OGDH: variants seen among roughly 807,000 people sequenced by gnomAD.
OGDH encodes the protein 2-oxoglutarate dehydrogenase complex component E1.
A neutral mutation model predicts 116.6 loss-of-function variants in OGDH; 38 were observed. The observed-to-expected ratio is 0.33, with a 90% CI of 0.25 to 0.43. The LOEUF is 0.43. Ranked by LOEUF, OGDH falls within the 20% of genes least tolerant of loss-of-function variation. The pLI is 1.00. For missense variants in OGDH, 825 were observed against 1,357.2 expected (o/e 0.61, Z 6.16); for synonymous variants, 488 against 533.3 (o/e 0.92, Z 1.17).
At chr7:44,680,075 G>A (rs1787864333) in intron 9 of OGDH, among the ~76,000 whole-genome samples, 1 of 152,108 alleles carries the variant, frequency 6.6e-6, no homozygotes, top group Non-Finnish European at 1.5e-5. Flanking sequence ...AGCCAGGCAT[G>A]GTGGCATGTA....
chr7:44,628,999 A>G (rs1331595903), intron 2 of OGDH, among the ~76,000 whole-genome samples: 2 of 151,896 alleles, frequency 1.3e-5, no homozygotes, highest in African/African-American at 4.8e-5. Flanking sequence ...TGTGCTCCTC[A>G]CTGACCCCTC....
At position 44,697,181 on chromosome 7, in the gene OGDH, G is replaced by T; in HGVS notation, c.2051+117G>T. 3.4e-6 allele frequency: 5 copies of T among 1,486,532 alleles called. No homozygotes were observed. Among genetic ancestry groups the T allele is most frequent in the Non-Finnish European group, 4.6e-6 (5 of 1,094,030 alleles). 92.1% of individuals were successfully genotyped at this position (1,486,532 alleles called of 1,614,324 possible). On this transcript the variant is annotated intron_variant, in intron 15 of 22. Coordinates refer to ENST00000222673, the MANE Select transcript of OGDH (RefSeq NM_002541.4). This position sits in a 1 kb window ranked among gnomAD's most constrained non-coding sequence, Gnocchi z 6.0. ...ACCGGAAGAGTCACATTGCTCTCAG[G>T]CTGAAAACCTCTGTCCCTCATTTGC...
chr7:44,629,689 C>T (rs533271993), intron 2 of OGDH, among the ~76,000 whole-genome samples: 27 of 150,196 alleles, frequency 1.8e-4, no homozygotes, highest in African/African-American at 4.4e-4. Flanking sequence ...AAGCAATTCT[C>T]GTACCTCAGT....
intron 1 of OGDH, among the ~76,000 whole-genome samples, chr7:44,619,233 C>T (rs752506965): frequency 1.3e-5 from 2 of 151,990 alleles, no homozygotes; most frequent in Non-Finnish European, 2.9e-5. Flanking sequence ...TTTATTGAAC[C>T]AAAGGAGGGG....
intron 1 of OGDH, among the ~76,000 whole-genome samples, chr7:44,618,490 T>C (rs778726157): frequency 6.6e-6 from 1 of 152,218 alleles, no homozygotes; most frequent in Non-Finnish European, 1.5e-5. Context: ...AATGTGATAT[T>C]ATTATCGTAT....
intron 2 of OGDH, among the ~76,000 whole-genome samples, chr7:44,634,721 C>G (rs561700237): frequency 2.2e-4 from 34 of 152,280 alleles, no homozygotes; most frequent in African/African-American, 7.7e-4. Context: ...ATCACAGTGC[C>G]CTACCTTGTT....
At position 44,707,561 on chromosome 7, in the gene OGDH, C is replaced by G; in HGVS notation, c.2797-21C>G. The G allele has an allele frequency of 6.2e-7, 1 of 1,612,326 alleles. No homozygotes were observed. Among genetic ancestry groups the G allele is most frequent in the Non-Finnish European group, 8.5e-7 (1 of 1,179,598 alleles). On this transcript the variant is annotated intron_variant, in intron 21 of 22. Transcript: ENST00000222673. The surrounding 1 kb of genome is among the most constrained non-coding windows in gnomAD (Gnocchi z 5.2). ...GCCCTCTGAGTTTCCTCTTTTTGAT[C>G]TGACCCCTGCTGTCTCCTAGCTGTC...
chr7:44,706,994 T>A (rs1789108436), intron 20 of OGDH, among the ~76,000 whole-genome samples: 1 of 152,230 alleles, frequency 6.6e-6, no homozygotes, highest in Non-Finnish European at 1.5e-5. Context: ...CTGGTGTTAC[T>A]TGATACCCAG....
At position 44,666,005 on chromosome 7, in the gene OGDH, G is replaced by T. The variant is rs75732346; in HGVS notation, c.518-731G>T. 2.0e-5 allele frequency among the ~76,000 whole-genome samples: 3 copies of T among 152,198 alleles called. No individual in the cohort carries two copies. In the South Asian group the frequency reaches 6.2e-4, roughly 32 times the overall value. On this transcript the variant is annotated intron_variant, in intron 4 of 22. Coordinates refer to ENST00000222673, the MANE Select transcript of OGDH (RefSeq NM_002541.4). ...TGCAGCGAATATTAGTGCTTACTCA[G>T]TTGGTTCCCGCTGAGTGATTGGAGT...
chr7:44,623,678 A>AGG, intron 1 of OGDH, among the ~76,000 whole-genome samples: 1 of 87,572 alleles, frequency 1.1e-5, no homozygotes. Context: ...ACAGAGTCTC[A>AGG]CTCTGTTGCT....
chr7:44,637,732 A>T (rs1160412035), intron 2 of OGDH, among the ~76,000 whole-genome samples: 1 of 150,138 alleles, frequency 6.7e-6, no homozygotes, highest in Admixed American at 6.7e-5. Flanking sequence ...ATCACTTGAA[A>T]CCGGGATGGG....
intron 20 of OGDH, among the ~76,000 whole-genome samples, chr7:44,702,543 T>G (rs1788880067): frequency 6.6e-6 from 1 of 152,140 alleles, no homozygotes; most frequent in Non-Finnish European, 1.5e-5. Flanking sequence ...AGCCCCTTGT[T>G]TTTTGGGGGT....
chr7:44,623,489 G>A (rs907184831), intron 1 of OGDH, among the ~76,000 whole-genome samples: 2 of 75,756 alleles, frequency 2.6e-5, no homozygotes, highest in Admixed American at 1.5e-4. Flanking sequence ...GGACAGATTA[G>A]AAAATGTTTT....
At chr7:44,659,182 TAGACGATTTAATGCTAA>T (rs1786827093) in intron 4 of OGDH, among the ~76,000 whole-genome samples, 1 of 152,176 alleles carries the variant, frequency 6.6e-6, no homozygotes, top group Non-Finnish European at 1.5e-5. Flanking sequence ...AATGTCGTGG[TAGACGATTTAATGCTAA>T]TGTCGTGGAT....
chr7:44,686,887 A>G (rs897456964), intron 10 of OGDH, among the ~76,000 whole-genome samples: 62 of 150,478 alleles, frequency 4.1e-4, no homozygotes, highest in African/African-American at 1.3e-3. Flanking sequence ...AGATTTCACT[A>G]TGTTGGTCAG....
Position 44,697,141 on chromosome 7 carries a change from G to A in OGDH, c.2051+77G>A, listed in dbSNP as rs908439497. On this transcript the variant is annotated intron_variant, in intron 15 of 22. Transcript: ENST00000222673. The surrounding 1 kb of genome is among the most constrained non-coding windows in gnomAD (Gnocchi z 6.0). ...GGAGGGGTTCTGGTGTTTCTTTTCC[G>A]GAAGACGGTTAGAAACCGGAAGAGT... is the stretch of plus-strand genomic sequence containing the variant. 4.4e-5 allele frequency: 69 copies of A among 1,553,724 alleles called. No homozygotes were observed. The highest frequency in any genetic ancestry group is 1.6e-4 in the East Asian group (7 of 44,162).
At chr7:44,690,657 C>G (rs1788327292) in intron 10 of OGDH, among the ~76,000 whole-genome samples, 2 of 152,190 alleles carry the variant, frequency 1.3e-5, no homozygotes, top group Middle Eastern at 3.2e-3. Context: ...GATAATCCTG[C>G]TGGTAGAGTG....
intron 10 of OGDH, among the ~76,000 whole-genome samples, chr7:44,689,208 CTTTTTT>C (rs367897508): frequency 2.0e-5 from 2 of 101,348 alleles, no homozygotes; most frequent in East Asian, 2.9e-4. Context: ...ATCAGGGTTC[CTTTTTT>C]TTTTTTTTTT....
In OGDH at chr7:44,694,779, T is replaced by TA. The variant is rs1241703273; in HGVS notation, c.1668+206dup. On this transcript the variant is annotated intron_variant, in intron 12 of 22. Transcript: ENST00000222673. This position sits in a 1 kb window ranked among gnomAD's most constrained non-coding sequence, Gnocchi z 4.2. ...GATGCTTTATAAAGGAAGTGGGCCT[T>TA]AAACAGTGTTTTGGGGAAGGGAAGG... Among the ~76,000 whole-genome samples the TA allele has an allele frequency of 1.3e-5, 2 of 152,246 alleles. No individual in the cohort carries two copies. The highest frequency in any genetic ancestry group is 4.8e-5 in the African/African-American group (2 of 41,470).
Sources: gnomAD v4.1 joint callset for allele counts (sites outside exome capture counted in the v4.1 genomes callset) on GRCh38, gnomAD v4.1.1 for gene constraint, Gnocchi (gnomAD v3.1) non-coding constraint, MANE v1.5 for transcripts, NCBI Gene and HGNC (gene_info 2026-07-23, HGNC 2026-07-21) for gene names.